ANOS1: variants seen among roughly 807,000 people sequenced by gnomAD.
ANOS1 encodes anosmin 1.
Under a neutral mutation model 59.0 loss-of-function variants are expected in ANOS1, and 6 were observed. The observed-to-expected ratio is 0.10, with a 90% CI of 0.06 to 0.20. The LOEUF is 0.20. Ranked by LOEUF, ANOS1 falls within the 10% of genes least tolerant of loss-of-function variation. The pLI is 1.00. For synonymous variants in ANOS1, 217 were observed against 223.4 expected (o/e 0.97, Z 0.25); for missense variants, 433 against 542.3 (o/e 0.80, Z 2.00).
At chrX:8,648,228 A>C (rs1428857824) in intron 2 of ANOS1, among the ~76,000 whole-genome samples, 1 of 111,391 alleles carries the variant, frequency 9.0e-6, no homozygotes, top group Non-Finnish European at 1.9e-5. Flanking sequence ...TGGGAGGCCA[A>C]GGCAGGTGGA....
At chrX:8,702,762 T>C (rs1476584171) in intron 1 of ANOS1, among the ~76,000 whole-genome samples, 1 of 112,135 alleles carries the variant, frequency 8.9e-6, no homozygotes, top group Non-Finnish European at 1.9e-5. Flanking sequence ...ACTTGAGTGT[T>C]CCAAGCTCCT....
rs1929509441 is a variant in ANOS1, at chrX:8,532,055, CCTTT to C, written c.*936_*939del. The C allele has an allele frequency of 3.6e-5, 4 of 111,732 alleles. No individual in the cohort carries two copies. Among genetic ancestry groups the C allele is most frequent in the Non-Finnish European group, 7.5e-5 (4 of 53,129 alleles). 9.2% of individuals were successfully genotyped at this position (111,732 alleles called of 1,213,427 possible). A position where few individuals can be genotyped will look rare whatever the true frequency, so the allele number is the denominator to read the frequency against. On this transcript the variant is annotated 3_prime_UTR_variant, in exon 14 of 14. Transcript: ENST00000262648. ...CCAATAATATTCTAGCACACAAAGA[CCTTT>C]CTTTGATTAAGAAAAGGCAAATCTC...
intron 5 of ANOS1, among the ~76,000 whole-genome samples, chrX:8,587,135 G>T (rs942052545): frequency 2.7e-5 from 3 of 109,842 alleles, no homozygotes; most frequent in Non-Finnish European, 3.8e-5. Flanking sequence ...TGTGTGTGTG[G>T]GGGGGTGGTT....
At chrX:8,594,751 C>CAT (rs1194283321) in intron 4 of ANOS1, among the ~76,000 whole-genome samples, 64 of 41,592 alleles carry the variant, frequency 1.5e-3, no homozygotes, top group African/African-American at 2.3e-3. Flanking sequence ...TATATATATA[C>CAT]ATATATATAT....
At chrX:8,659,428 TTC>T (rs919082727) in intron 2 of ANOS1, among the ~76,000 whole-genome samples, 33 of 108,396 alleles carry the variant, frequency 3.0e-4, no homozygotes, top group Non-Finnish European at 5.4e-4. Context: ...CTCTTTCTTT[TTC>T]TTTCTTTCTT....
intron 1 of ANOS1, among the ~76,000 whole-genome samples, chrX:8,714,167 C>T (rs942203266): frequency 1.3e-4 from 14 of 111,995 alleles, no homozygotes; most frequent in Non-Finnish European, 2.4e-4. Context: ...CATTTTCATA[C>T]AGAACAACTG....
chrX:8,660,422 T>G (rs1327071192), intron 2 of ANOS1, among the ~76,000 whole-genome samples: 1 of 111,183 alleles, frequency 9.0e-6, no homozygotes, highest in Non-Finnish European at 1.9e-5. Context: ...TGAACTTTAA[T>G]GACATGCCCA....
At chrX:8,658,531 T>C (rs1325432719) in intron 2 of ANOS1, among the ~76,000 whole-genome samples, 2 of 112,460 alleles carry the variant, frequency 1.8e-5, no homozygotes, top group African/African-American at 3.2e-5. Flanking sequence ...TGAATATCTA[T>C]CTGTTGGATG....
chrX:8,536,811 C>T lies in ANOS1; in HGVS notation c.1581G>A (p.Lys527=), dbSNP rs1343265441. ...FFTTPPCSAL[K]GKSHKPVGCL... is the part of the protein sequence containing the mutation. ...AGCCAACAGGCTTGTGGCTCTTCCCCTTAAGAGCAGAGCATGGTGGAGTAG... is the reference window on the plus strand; with the variant it reads ...AGCCAACAGGCTTGTGGCTCTTCCCTTTAAGAGCAGAGCATGGTGGAGTAG... The change falls in exon 11 of 14, where the codon AAG becomes AAA. Residue 527 remains lysine, a synonymous_variant. Coordinates refer to ENST00000262648, the MANE Select transcript of ANOS1 (RefSeq NM_000216.4). 1 of 1,209,321 alleles carries T rather than the reference C, an allele frequency of 8.3e-7. No homozygotes were observed. The highest frequency in any genetic ancestry group is 1.1e-6 in the Non-Finnish European group (1 of 893,875).
In ANOS1 at chrX:8,555,525, C is replaced by T. The variant is rs1420270414; in HGVS notation, c.1208-1427G>A. 2.1e-4 allele frequency among the ~76,000 whole-genome samples: 23 copies of T among 111,726 alleles called. No homozygotes were observed. The Admixed American group carries it at 2.2e-3, about 11-fold the overall frequency. On this transcript the variant is annotated intron_variant, in intron 8 of 13. Coordinates refer to ENST00000262648, the MANE Select transcript of ANOS1 (RefSeq NM_000216.4). ...AAAAGAGAGAAGAATCAAATAGACA[C>T]AATATTAAATGATAAAGGGGATATC...
intron 1 of ANOS1, among the ~76,000 whole-genome samples, chrX:8,728,077 C>A (rs1932935528): frequency 8.9e-6 from 1 of 111,823 alleles, no homozygotes; most frequent in African/African-American, 3.3e-5. Flanking sequence ...TTATTTTGCA[C>A]CAGGGCCTGA....
chrX:8,582,559 G>C (rs1410966789), intron 6 of ANOS1, among the ~76,000 whole-genome samples: 1 of 111,580 alleles, frequency 9.0e-6, no homozygotes, highest in Non-Finnish European at 1.9e-5. Context: ...TCAGATGGGG[G>C]AAGCTGCTGG....
chrX:8,607,082 A>C (rs1930956924), intron 3 of ANOS1, among the ~76,000 whole-genome samples: 1 of 112,208 alleles, frequency 8.9e-6, no homozygotes, highest in Non-Finnish European at 1.9e-5. Flanking sequence ...GCACAATTGC[A>C]CTCCGGCCTG....
At chrX:8,564,586 A>G (rs1930080648) in intron 8 of ANOS1, among the ~76,000 whole-genome samples, 1 of 111,565 alleles carries the variant, frequency 9.0e-6, no homozygotes, top group Non-Finnish European at 1.9e-5. Context: ...ATGGTCTCTG[A>G]TGTAGATGAG....
chrX:8,583,983 G>A (rs1247350587), intron 6 of ANOS1, among the ~76,000 whole-genome samples: 1 of 111,364 alleles, frequency 9.0e-6, no homozygotes, highest in Non-Finnish European at 1.9e-5. Context: ...AACAAATCAT[G>A]AGAGCAAAAC....
intron 1 of ANOS1, among the ~76,000 whole-genome samples, chrX:8,700,735 G>A (rs944021338): frequency 3.6e-5 from 4 of 112,377 alleles, no homozygotes; most frequent in African/African-American, 9.7e-5. Context: ...GGGGCCGGGC[G>A]TGGTGGCTCA....
At chrX:8,619,512 G>T (rs1465225769) in intron 3 of ANOS1, among the ~76,000 whole-genome samples, 1 of 111,471 alleles carries the variant, frequency 9.0e-6, no homozygotes, top group Non-Finnish European at 1.9e-5. Flanking sequence ...GCTGAGGCAG[G>T]AGAATTGCTG....
chrX:8,688,390 C>T (rs1006141599), intron 2 of ANOS1, among the ~76,000 whole-genome samples: 8 of 112,345 alleles, frequency 7.1e-5, no homozygotes, highest in Non-Finnish European at 1.5e-4. Flanking sequence ...CACATTACAA[C>T]TTCAAAACAT....
At chrX:8,594,855 T>C (rs1412111436) in intron 4 of ANOS1, among the ~76,000 whole-genome samples, 4 of 103,058 alleles carry the variant, frequency 3.9e-5, no homozygotes, top group African/African-American at 1.4e-4. Context: ...GTTTATTCTA[T>C]TTGTAGTTGA....
Sources: allele counts gnomAD v4.1 joint callset (sites outside exome capture counted in the v4.1 genomes callset), GRCh38; gene constraint gnomAD v4.1.1; transcripts MANE v1.5; gene names NCBI Gene and HGNC (gene_info 2026-07-23, HGNC 2026-07-21).